Variants in ARHGAP22 observed in about 807,000 individuals in gnomAD.
ARHGAP22 encodes the protein rho GTPase-activating protein 22.
A neutral mutation model predicts 59.1 loss-of-function variants in ARHGAP22; 48 were observed. The ratio of observed to expected loss-of-function variants is 0.81; its 90% confidence interval spans 0.64 to 1.03. ARHGAP22 has a LOEUF of 1.03. Among genes scored for constraint, ARHGAP22 ranks in the 50% least tolerant of loss-of-function variants. The probability of loss-of-function intolerance (pLI) is 0.00; values close to 1 mark genes in which losing one functional copy is unlikely to be tolerated. For missense variants in ARHGAP22, 1,015 were observed against 958.7 expected (o/e 1.06, Z -0.78); for synonymous variants, 445 against 416.4 (o/e 1.07, Z -0.84).
At chr10:48,629,654 C>A (rs1461062327) in intron 1 of ARHGAP22, among the ~76,000 whole-genome samples, 1 of 152,156 alleles carries the variant, frequency 6.6e-6, no homozygotes, top group Non-Finnish European at 1.5e-5. Context: ...TTGCATGCTT[C>A]CTTCATTTCT....
chr10:48,479,575 G>C lies in ARHGAP22; in HGVS notation c.451+61C>G, dbSNP rs139947395. ...GGTCTTTGGGGCTCAGGACAGGCAGGGGGCATGATTACCTGGAGGCAAGGG... is the reference window on the plus strand; with the variant it reads ...GGTCTTTGGGGCTCAGGACAGGCAGCGGGCATGATTACCTGGAGGCAAGGG... On this transcript the variant is annotated intron_variant, in intron 4 of 9. Transcript: ENST00000249601. 2,245 of 1,612,892 alleles carry C rather than the reference G, an allele frequency of 1.4e-3. 82 individuals are homozygous for C. In the East Asian group the frequency reaches 0.049, roughly 35 times the overall value.
rs749200265 is a variant in ARHGAP22 at position 48,450,722 on chromosome 10, G to A, written c.1407C>T (p.Arg469=). 1.9e-6 allele frequency: 3 copies of A among 1,554,948 alleles called. No homozygotes were observed. Among genetic ancestry groups the A allele is most frequent in the Non-Finnish European group, 2.6e-6 (3 of 1,149,744 alleles). The change falls in exon 9 of 10, where the codon CGC becomes CGT. Residue 469 remains arginine (R), a synonymous_variant. Transcript: ENST00000249601. ...NWLMNGLSSL[R]GHRRASSGDR... ...CTCCCGACGAGGCCCGGCGGTGTCC[G>A]CGCAGGGAGGACAGCCCGTTCATAA...
chr10:48,586,301 A>C (rs1342984870), intron 1 of ARHGAP22, among the ~76,000 whole-genome samples: 2 of 152,170 alleles, frequency 1.3e-5, no homozygotes, highest in Non-Finnish European at 2.9e-5. Context: ...TCTGTGCCTC[A>C]GTTTGCCAGT....
chr10:48,520,000 G>C (rs1293076880), intron 3 of ARHGAP22, among the ~76,000 whole-genome samples: 1 of 152,230 alleles, frequency 6.6e-6, no homozygotes. Flanking sequence ...CCATCAAGGC[G>C]ATAAGTCGAG....
chr10:48,430,621 C>T, the ARHGAP22 span: 6 of 152,728 alleles, frequency 3.9e-5, no homozygotes, highest in Admixed American at 2.6e-4. Flanking sequence ...AAATGTTCTT[C>T]GAAGTGATAA....
chr10:48,646,448 A>T (rs1047150127), intron 1 of ARHGAP22, among the ~76,000 whole-genome samples: 10 of 152,248 alleles, frequency 6.6e-5, no homozygotes, highest in Non-Finnish European at 1.5e-4. Context: ...AAGTTATAGT[A>T]ATCAAGATAG....
chr10:48,625,247 A>T (rs1460677798), intron 1 of ARHGAP22, among the ~76,000 whole-genome samples: 1 of 152,152 alleles, frequency 6.6e-6, no homozygotes, highest in East Asian at 1.9e-4. Flanking sequence ...AACAGCAGGG[A>T]TGAATATTTA....
In ARHGAP22 at chr10:48,544,839, A is replaced by T. The variant is rs192872264; in HGVS notation, c.322+10624T>A. 2.6e-5 allele frequency among the ~76,000 whole-genome samples: 4 copies of T among 152,358 alleles called. No homozygotes were observed. In the East Asian group the frequency reaches 7.7e-4, roughly 29 times the overall value. Reference sequence around the variant, plus strand: ...CTGATCACTGTACAATATATGTATCAAAACATCACTATGTACCCCATGAAT... The same window carrying T: ...CTGATCACTGTACAATATATGTATCTAAACATCACTATGTACCCCATGAAT... On this transcript the variant is annotated intron_variant, in intron 3 of 9. Coordinates refer to ENST00000249601, the MANE Select transcript of ARHGAP22 (RefSeq NM_021226.4).
chr10:48,485,673 G>C (rs1251490795), intron 3 of ARHGAP22, among the ~76,000 whole-genome samples: 1 of 152,174 alleles, frequency 6.6e-6, no homozygotes, highest in African/African-American at 2.4e-5. Context: ...GTAGTTTGAA[G>C]CTGTTATGGA....
intron 3 of ARHGAP22, among the ~76,000 whole-genome samples, chr10:48,506,653 G>A (rs1271165291): frequency 1.3e-5 from 2 of 152,088 alleles, no homozygotes; most frequent in East Asian, 1.9e-4. Context: ...ACAACACCAG[G>A]AGGCAGCCAT....
At chr10:48,476,394 C>T (rs1300541385) in intron 4 of ARHGAP22, among the ~76,000 whole-genome samples, 1 of 152,154 alleles carries the variant, frequency 6.6e-6, no homozygotes, top group East Asian at 1.9e-4. Flanking sequence ...AGGTGGCCTG[C>T]CGGTGCCAGA....
chr10:48,498,098 T>C (rs150991406), intron 3 of ARHGAP22, among the ~76,000 whole-genome samples: 27 of 152,260 alleles, frequency 1.8e-4, no homozygotes, highest in African/African-American at 6.5e-4. Context: ...TAAGGCTCCC[T>C]GCGGGTAACA....
chr10:48,571,624 A>G (rs2058397537), intron 2 of ARHGAP22, among the ~76,000 whole-genome samples: 1 of 152,184 alleles, frequency 6.6e-6, no homozygotes, highest in Non-Finnish European at 1.5e-5. Context: ...AATTGTTTCA[A>G]TCATCTACTG....
chr10:48,577,808 T>TTTTTTTTTTTG (rs1554928385), intron 2 of ARHGAP22, among the ~76,000 whole-genome samples: 1 of 111,870 alleles, frequency 8.9e-6, no homozygotes, highest in Non-Finnish European at 1.8e-5. Flanking sequence ...TTGGTTTTTT[T>TTTTTTTTTTTG]TTTTTTTTTT....
chr10:48,438,216 C>G, the ARHGAP22 span: 3 of 152,240 alleles, frequency 2.0e-5, no homozygotes, highest in Non-Finnish European at 4.4e-5. Context: ...AGTAGGTAAA[C>G]CAAACACCAT....
intron 3 of ARHGAP22, among the ~76,000 whole-genome samples, chr10:48,522,578 G>A (rs568433581): frequency 3.3e-5 from 5 of 152,276 alleles, no homozygotes; most frequent in South Asian, 2.1e-4. Context: ...AAAGCTGCTC[G>A]TCCAGGCCCT....
At chr10:48,627,587 G>A (rs567985973) in intron 1 of ARHGAP22, among the ~76,000 whole-genome samples, 14 of 152,354 alleles carry the variant, frequency 9.2e-5, no homozygotes, top group South Asian at 8.3e-4. Context: ...GGAGAGAGCC[G>A]GCGCTCCACA....
chr10:48,522,401 G>C (rs1164499188), intron 3 of ARHGAP22, among the ~76,000 whole-genome samples: 2 of 152,232 alleles, frequency 1.3e-5, no homozygotes, highest in Non-Finnish European at 2.9e-5. Flanking sequence ...AGCTGGCCTT[G>C]GGGGTCCACA....
At chr10:48,595,543 A>T (rs936962161) in intron 1 of ARHGAP22, among the ~76,000 whole-genome samples, 1 of 151,730 alleles carries the variant, frequency 6.6e-6, no homozygotes, top group Non-Finnish European at 1.5e-5. Flanking sequence ...TTTTTTTTTG[A>T]GATAGAGTCT....
Sources: gnomAD v4.1 joint callset for allele counts (sites outside exome capture counted in the v4.1 genomes callset) on GRCh38, gnomAD v4.1.1 for gene constraint, MANE v1.5 for transcripts, NCBI Gene and HGNC (gene_info 2026-07-23, HGNC 2026-07-21) for gene names.